The following HIP1R variants were observed in gnomAD, a reference collection of about 807,000 sequenced individuals.
HIP1R encodes the protein huntingtin-interacting protein 1-related protein.
A neutral mutation model predicts 144.2 loss-of-function variants in HIP1R; 135 were observed. The ratio of observed to expected loss-of-function variants is 0.94; its 90% CI spans 0.81 to 1.08. The LOEUF is 1.08. Among genes scored for constraint, HIP1R ranks in the 50% least tolerant of loss-of-function variants. The probability of loss-of-function intolerance (pLI) is 0.00; values close to 1 mark genes in which losing one functional copy is unlikely to be tolerated. For synonymous variants in HIP1R, 698 were observed against 612.8 expected, an observed-to-expected ratio of 1.14 and a Z score of -2.05; for missense variants, 1,462 against 1,432.8, an observed-to-expected ratio of 1.02 and a Z score of -0.33.
At chr12:122,846,557 C>T (rs1212677244) in intron 1 of HIP1R, among the ~76,000 whole-genome samples, 1 of 152,190 alleles carries the variant, frequency 6.6e-6, no homozygotes, top group Non-Finnish European at 1.5e-5. Flanking sequence ...GCCTGGGGGC[C>T]ACTGGCTGGG....
In HIP1R at chr12:122,860,689, G is replaced by C; in HGVS notation, c.2671G>C (p.Asp891His). ...GCCCTTGACCCGCAGGGAGGCAGCT[G>C]ACAAGGTGGTGCTTCACACGGGCAA... ...WGATQLVEAA[D>H]KVVLHTGKYE... Residue 891 changes from aspartate (D) to histidine (H), a missense_variant, in exon 28 of 32, where the codon GAC becomes CAC. Physicochemically the swap from Asp to His is moderately conservative, Grantham distance 81. Coordinates refer to ENST00000253083, the MANE Select transcript of HIP1R (RefSeq NM_003959.3). 1 of 1,613,382 alleles carries C rather than the reference G, an allele frequency of 6.2e-7. No homozygotes were observed. The highest frequency in any genetic ancestry group is 2.2e-5 in the East Asian group (1 of 44,876).
At chr12:122,837,773 C>T (rs2032949024) in intron 1 of HIP1R, among the ~76,000 whole-genome samples, 1 of 152,194 alleles carries the variant, frequency 6.6e-6, no homozygotes, top group Non-Finnish European at 1.5e-5. Flanking sequence ...TCTGGGTTTG[C>T]TCGTCTTCAC....
intron 6 of HIP1R, 106 bp downstream of exon 6, chr12:122,851,017 G>A (rs945533451): frequency 9.1e-5 from 95 of 1,039,340 alleles, no homozygotes; most frequent in Admixed American, 2.5e-5. Context: ...GGTTGAATGA[G>A]TCCGTGGCTT....
intron 8 of HIP1R, 101 bp from the exon 9 acceptor site, chr12:122,854,804 C>G: frequency 7.8e-7 from 1 of 1,289,186 alleles, no homozygotes; most frequent in Non-Finnish European, 1.1e-6. Context: ...CTCAGGTGAT[C>G]TCTGATCTGT....
rs537557277 is a variant in HIP1R, at chr12:122,859,452, G to T, written c.2322G>T (p.Val774=). ...GQELKPKSLD[V]RQEELGAVVD... ...AACTGAAACCCAAGAGCCTAGATGTGCGGCAGGAGGAGCTGGGGGCCGTGG... is the reference window on the plus strand; with the variant it reads ...AACTGAAACCCAAGAGCCTAGATGTTCGGCAGGAGGAGCTGGGGGCCGTGG... Residue 774 remains valine, a synonymous_variant, in exon 23 of 32, where the codon GTG becomes GTT. Transcript: ENST00000253083. The T allele has an allele frequency of 1.2e-5, 20 of 1,613,356 alleles. No homozygotes were observed. Among genetic ancestry groups the T allele is most frequent in the Non-Finnish European group, 1.7e-5 (20 of 1,179,962 alleles).
At chr12:122,850,809 C>T in intron 5 of HIP1R, 26 bp from the exon 6 acceptor site, 1 of 1,593,654 alleles carries the variant, frequency 6.3e-7, no homozygotes, top group Non-Finnish European at 8.5e-7. Flanking sequence ...GGTTCAGTGG[C>T]CGCTGGGTGG....
upstream of HIP1R, chr12:122,835,153 G>A (rs2032833686): frequency 5.4e-6 from 3 of 554,656 alleles, no homozygotes; most frequent in Non-Finnish European, 5.5e-6. Context: ...AGCTGGGGGG[G>A]CGTTTGGCCT....
chr12:122,859,379 A>AGGG, intron 22 of HIP1R, 47 bp from the exon 23 acceptor site: 1 of 1,509,676 alleles, frequency 6.6e-7, no homozygotes, highest in East Asian at 2.3e-5. Flanking sequence ...TGCCCGTGGG[A>AGGG]CGGGGGGGGA....
Position 122,861,035 on chromosome 12 carries a change from CAG to C in HIP1R, c.2889_2890del (p.Asp964HisfsTer33), listed in dbSNP as rs2033754153. ...AGTCAGGCCAGGAGCAGATTGAGGA[CAG>C]AGGTGAGTGCCAGATGCCAACGGGG... ...TKSGQEQIED[R>X]DTMDFSGLSL... is the part of the protein sequence containing the mutation. On this transcript the variant is annotated frameshift_variant and splice_region_variant, in exon 29 of 32. Coordinates refer to ENST00000253083, the MANE Select transcript of HIP1R (RefSeq NM_003959.3). LOFTEE classifies it high-confidence loss of function. 1.2e-6 allele frequency: 2 copies of C among 1,613,666 alleles called. No homozygotes were observed. Among genetic ancestry groups the C allele is most frequent in the East Asian group, 4.5e-5 (2 of 44,868 alleles).
intron 1 of HIP1R, among the ~76,000 whole-genome samples, chr12:122,837,801 T>G (rs1448747664): frequency 6.6e-6 from 1 of 152,230 alleles, no homozygotes; most frequent in East Asian, 1.9e-4. Flanking sequence ...TATTGAGGAA[T>G]GTAAGAATGA....
rs755581136 is a variant in HIP1R at position 122,860,700 on chromosome 12, G to T, written c.2682G>T (p.Val894=). The part of the protein sequence containing the change: ...TQLVEAADKV[V]LHTGKYEELI... ...GCAGGGAGGCAGCTGACAAGGTGGTGCTTCACACGGGCAAGTATGAGGAGC... is the reference window on the plus strand; with the variant it reads ...GCAGGGAGGCAGCTGACAAGGTGGTTCTTCACACGGGCAAGTATGAGGAGC... The change falls in exon 28 of 32, where the codon GTG becomes GTT. Residue 894 remains valine, a synonymous_variant. Coordinates refer to ENST00000253083, the MANE Select transcript of HIP1R (RefSeq NM_003959.3). 2 of 1,613,388 alleles carry T rather than the reference G, an allele frequency of 1.2e-6. No individual in the cohort carries two copies. The highest frequency in any genetic ancestry group is 1.7e-6 in the Non-Finnish European group (2 of 1,179,986).
chr12:122,850,026 G>A (rs772557306), intron 5 of HIP1R, 71 bp downstream of exon 5: 2 of 1,020,902 alleles, frequency 2.0e-6, no homozygotes, highest in Admixed American at 1.7e-5. Context: ...TATGGCACAT[G>A]TTGGGACATC....
chr12:122,835,090 C>T (rs1174652250), upstream of HIP1R: 1 of 1,014,958 alleles, frequency 9.9e-7, no homozygotes. Context: ...TTCCCCCTCC[C>T]CCTTCCCCTA....
rs2033758263 is a variant in HIP1R, at chr12:122,861,158, T to G, written c.2918T>G (p.Leu973Arg). 6.2e-7 allele frequency: 1 copy of G among 1,612,656 alleles called. No homozygotes were observed. The highest frequency in any genetic ancestry group is 8.5e-7 in the Non-Finnish European group (1 of 1,179,880). The change falls in exon 30 of 32, where the codon CTC (leucine) becomes CGC (arginine). Residue 973 changes from leucine (L) to arginine (R), a missense_variant. Leu to Arg is a moderately radical substitution (Grantham distance 102, BLOSUM62 -2). Transcript: ENST00000253083. ...RDTMDFSGLS[L>R]IKLKKQEMET... ...ACCATGGATTTCTCCGGCCTGTCCC[T>G]CATCAAGCTGAAGAAGCAGGAGATG...
chr12:122,859,219 G>GT (rs1200697720), intron 22 of HIP1R, 22 bp downstream of exon 22: 36 of 1,560,426 alleles, frequency 2.3e-5, no homozygotes, highest in Middle Eastern at 3.5e-4. Context: ...CTGAGTGTGG[G>GT]TTTGGGAGGC....
At chr12:122,845,529 C>T (rs986436915) in intron 1 of HIP1R, among the ~76,000 whole-genome samples, 1 of 152,206 alleles carries the variant, frequency 6.6e-6, no homozygotes, top group African/African-American at 2.4e-5. Context: ...AGGCATGCCC[C>T]GTCACACTGC....
At chr12:122,859,575 AGCTTTGGGGGCCGGAG>A in intron 23 of HIP1R, 39 bp downstream of exon 23, 1 of 1,536,598 alleles carries the variant, frequency 6.5e-7, no homozygotes. Flanking sequence ...ATTCCTGTGG[AGCTTTGGGGGCCGGAG>A]GCCCCAACTG....
At chr12:122,850,812 C>G in intron 5 of HIP1R, 23 bp from the exon 6 acceptor site, 1 of 1,596,708 alleles carries the variant, frequency 6.3e-7, no homozygotes, top group Non-Finnish European at 8.5e-7. Context: ...TCAGTGGCCG[C>G]TGGGTGGGGG....
chr12:122,861,844 G>GT lies in HIP1R; in HGVS notation c.*92dup. 3 of 1,232,910 alleles carry GT rather than the reference G, an allele frequency of 2.4e-6. No homozygotes were observed. Among genetic ancestry groups the GT allele is most frequent in the Non-Finnish European group, 3.5e-6 (3 of 855,936 alleles). 76.4% of individuals were successfully genotyped at this position (1,232,910 alleles called of 1,614,324 possible). On this transcript the variant is annotated 3_prime_UTR_variant, in exon 32 of 32. Coordinates refer to ENST00000253083, the MANE Select transcript of HIP1R (RefSeq NM_003959.3). ...CCGAGAGGCCTTGCCCCTCCACCTG[G>GT]TGCCCAAGCCTCCCGCCCCACCGTC...
Sources: gnomAD v4.1 joint callset for allele counts (sites outside exome capture counted in the v4.1 genomes callset) on GRCh38, gnomAD v4.1.1 for gene constraint, MANE v1.5 for transcripts, NCBI Gene and HGNC (gene_info 2026-07-23, HGNC 2026-07-21) for gene names.